MGLL: variants seen among roughly 807,000 people sequenced by gnomAD.
MGLL encodes the protein lysophospholipase homolog.
In MGLL, 7 loss-of-function variants were observed where a neutral mutation model predicts 29.1. The observed-to-expected ratio is 0.24, with a 90% CI of 0.14 to 0.45. MGLL has a LOEUF of 0.45. Among genes scored for constraint, MGLL ranks in the 20% least tolerant of loss-of-function variants. The pLI is 0.99. For synonymous variants in MGLL, 148 were observed against 168.3 expected (o/e 0.88, Z 0.93); for missense variants, 356 against 413.6 (o/e 0.86, Z 1.21).
At chr3:127,759,294 G>T (rs560704949) in intron 3 of MGLL, among the ~76,000 whole-genome samples, 68 of 152,316 alleles carry the variant, frequency 4.5e-4, no homozygotes, top group Middle Eastern at 3.4e-3. Flanking sequence ...CAGCAACTGA[G>T]ACACAGAGTC....
intron 2 of MGLL, among the ~76,000 whole-genome samples, chr3:127,818,394 G>A (rs1362998830): frequency 6.7e-6 from 1 of 148,988 alleles, no homozygotes; most frequent in South Asian, 2.1e-4. Flanking sequence ...TTTTTTTTAA[G>A]AGACAGAATT....
intron 3 of MGLL, among the ~76,000 whole-genome samples, chr3:127,722,992 G>T (rs1387451734): frequency 2.0e-5 from 3 of 152,190 alleles, no homozygotes; most frequent in African/African-American, 4.8e-5. Flanking sequence ...CTGAATATTG[G>T]CCTTTCACTA....
chr3:127,721,136 C>A lies in MGLL; in HGVS notation c.427G>T (p.Ala143Ser), dbSNP rs200703589. The change falls in exon 5 of 8, where the codon GCA (alanine) becomes TCA (serine). Residue 143 changes from alanine (A) to serine (S), a missense_variant. Ala to Ser is a moderately conservative substitution (Grantham distance 99). Coordinates refer to ENST00000265052, the MANE Select transcript of MGLL (RefSeq NM_007283.7). ...MGGAIAILTA[A>S]ERPGHFAGMV... ...CCGGCGAAGTGGCCCGGCCTCTCTGCGGCCGTGAGGATGGCGATGGCGCCT... is the reference window on the plus strand; with the variant it reads ...CCGGCGAAGTGGCCCGGCCTCTCTGAGGCCGTGAGGATGGCGATGGCGCCT... 3.7e-6 allele frequency: 6 copies of A among 1,614,188 alleles called. No individual in the cohort carries two copies. The highest frequency in any genetic ancestry group is 4.5e-5 in the East Asian group (2 of 44,886).
At chr3:127,804,688 C>A (rs2077535562) in intron 2 of MGLL, among the ~76,000 whole-genome samples, 1 of 152,118 alleles carries the variant, frequency 6.6e-6, no homozygotes, top group African/African-American at 2.4e-5. Context: ...GTTTTATTGA[C>A]AATAACCAAA....
At chr3:127,791,802 G>C (rs2077304755) in intron 2 of MGLL, among the ~76,000 whole-genome samples, 1 of 152,240 alleles carries the variant, frequency 6.6e-6, no homozygotes, top group African/African-American at 2.4e-5. Context: ...TGGGAGTAGT[G>C]ACTTAAACCT....
chr3:127,733,933 G>A (rs1197920656), intron 3 of MGLL, among the ~76,000 whole-genome samples: 1 of 152,212 alleles, frequency 6.6e-6, no homozygotes, highest in East Asian at 1.9e-4. Flanking sequence ...AGTAAAGAGG[G>A]CAGGGCAGCC....
intron 4 of MGLL, among the ~76,000 whole-genome samples, chr3:127,721,518 T>G (rs1043169375): frequency 1.3e-5 from 2 of 150,122 alleles, no homozygotes; most frequent in South Asian, 4.2e-4. Context: ...TTTTTTTTTT[T>G]TTTTTTTTTT....
chr3:127,758,729 G>A (rs1312869671), intron 3 of MGLL, among the ~76,000 whole-genome samples: 1 of 152,052 alleles, frequency 6.6e-6, no homozygotes, highest in Non-Finnish European at 1.5e-5. Context: ...AATCAGATAT[G>A]TGTTATAAAA....
Position 127,798,598 on chromosome 3 carries a change from C to G in MGLL, c.156-16703G>C, listed in dbSNP as rs111706793. On this transcript the variant is annotated intron_variant, in intron 2 of 7. Coordinates refer to ENST00000265052, the MANE Select transcript of MGLL (RefSeq NM_007283.7). The stretch of plus-strand genomic sequence containing the variant: ...CTCCCAGACCTTATTACCCCAACAG[C>G]CTGAACAATCCCAACAGCCTCCTAA... Among the ~76,000 whole-genome samples, 198 of 152,352 alleles carry G rather than the reference C, an allele frequency of 1.3e-3. 1 individual carries two copies. Among genetic ancestry groups the G allele is most frequent in the African/African-American group, 4.5e-3 (189 of 41,580 alleles).
intron 2 of MGLL, among the ~76,000 whole-genome samples, chr3:127,785,297 C>T (rs1325681215): frequency 6.6e-6 from 1 of 152,198 alleles, no homozygotes; most frequent in Non-Finnish European, 1.5e-5. Context: ...CAGCTTCCTG[C>T]CCTGTTGCCA....
At position 127,722,578 on chromosome 3, in the gene MGLL, C is replaced by T. The variant is rs370478552; in HGVS notation, c.263-12G>A. The T allele has an allele frequency of 5.6e-5, 90 of 1,614,230 alleles. No individual in the cohort carries two copies. In the African/African-American group the frequency reaches 7.2e-4, roughly 13 times the overall value. On this transcript the variant is annotated splice_polypyrimidine_tract_variant and intron_variant, in intron 3 of 7. Coordinates refer to ENST00000265052, the MANE Select transcript of MGLL (RefSeq NM_007283.7). The stretch of plus-strand genomic sequence containing the variant: ...CTGTCCGTGGCCAACTGGAAAGGAA[C>T]GGGAGATGAGAGAGAGCTGCAGTTA...
At chr3:127,741,322 G>A (rs958899481) in intron 3 of MGLL, among the ~76,000 whole-genome samples, 17 of 152,148 alleles carry the variant, frequency 1.1e-4, no homozygotes, top group Non-Finnish European at 2.2e-4. Context: ...ATGCTTTCTT[G>A]GGGGGGAAAG....
At position 127,764,123 on chromosome 3, in the gene MGLL, C is replaced by A. The variant is rs544910743; in HGVS notation, c.262+17666G>T. Among the ~76,000 whole-genome samples the A allele has an allele frequency of 3.9e-5, 6 of 152,334 alleles. 1 individual carries two copies. In the East Asian group the frequency reaches 1.2e-3, roughly 29 times the overall value. ...TGCTGAAGTTGCCTGAATACCACCC[C>A]CAGCTGTGTTCCCCTTTCCTCTCAG... is the stretch of plus-strand genomic sequence containing the variant. On this transcript the variant is annotated intron_variant, in intron 3 of 7. Transcript: ENST00000265052.
chr3:127,783,520 G>A (rs2077165644), intron 2 of MGLL, among the ~76,000 whole-genome samples: 1 of 152,238 alleles, frequency 6.6e-6, no homozygotes, highest in African/African-American at 2.4e-5. Context: ...GCCCAGCTGA[G>A]GACATAGACA....
At chr3:127,811,770 C>T (rs2077667186) in intron 2 of MGLL, among the ~76,000 whole-genome samples, 1 of 152,260 alleles carries the variant, frequency 6.6e-6, no homozygotes, top group South Asian at 2.1e-4. Flanking sequence ...TGGACAAGAA[C>T]TGAGGTGATC....
At chr3:127,774,200 A>G (rs2076995134) in intron 3 of MGLL, among the ~76,000 whole-genome samples, 1 of 152,156 alleles carries the variant, frequency 6.6e-6, no homozygotes, top group Non-Finnish European at 1.5e-5. Context: ...GCACCCTGCT[A>G]GCCCCTGCCC....
chr3:127,810,048 A>T (rs551595451), intron 2 of MGLL, among the ~76,000 whole-genome samples: 1 of 152,316 alleles, frequency 6.6e-6, no homozygotes, highest in Non-Finnish European at 1.5e-5. Flanking sequence ...TGACTCTATC[A>T]TGGTTCCCAG....
chr3:127,748,078 G>A (rs1357194087), intron 3 of MGLL, among the ~76,000 whole-genome samples: 1 of 152,186 alleles, frequency 6.6e-6, no homozygotes, highest in Non-Finnish European at 1.5e-5. Flanking sequence ...AAGAGACTCG[G>A]AGCATTCTAG....
At chr3:127,692,744 A>T (rs892502951) in intron 7 of MGLL, among the ~76,000 whole-genome samples, 9 of 151,938 alleles carry the variant, frequency 5.9e-5, no homozygotes, top group African/African-American at 2.2e-4. Context: ...GTCTCCAGGG[A>T]CCTCCATTGC....
Sources: gnomAD v4.1 joint callset for allele counts (sites outside exome capture counted in the v4.1 genomes callset) on GRCh38, gnomAD v4.1.1 for gene constraint, MANE v1.5 for transcripts, NCBI Gene and HGNC (gene_info 2026-07-23, HGNC 2026-07-21) for gene names.